The following ST8SIA1 variants were observed in gnomAD, a reference collection of about 807,000 sequenced individuals.
ST8SIA1 encodes alpha-N-acetylneuraminide alpha-2,8-sialyltransferase.
A neutral mutation model predicts 35.9 loss-of-function variants in ST8SIA1; 16 were observed. The observed-to-expected ratio is 0.45, with a 90% confidence interval of 0.30 to 0.68. The LOEUF is 0.68. ST8SIA1 is among the 30% of genes least tolerant of loss of function. The probability of loss-of-function intolerance (pLI) is 0.09; values close to 1 mark genes in which losing one functional copy is unlikely to be tolerated. For missense variants in ST8SIA1, 383 were observed against 453.6 expected (o/e 0.84, Z 1.41); for synonymous variants, 170 against 169.6 (o/e 1.00, Z -0.02).
At chr12:22,254,090 G>T (rs918654957) in intron 3 of ST8SIA1, among the ~76,000 whole-genome samples, 1 of 152,030 alleles carries the variant, frequency 6.6e-6, no homozygotes, top group Non-Finnish European at 1.5e-5. Flanking sequence ...TGTTGCTGCA[G>T]TCTTCACCCT....
At position 22,334,319 on chromosome 12, in the gene ST8SIA1, C is replaced by T. The variant is rs1038209320; in HGVS notation, c.-87G>A. 1.5e-5 allele frequency: 15 copies of T among 1,002,572 alleles called. No individual in the cohort carries two copies. Among genetic ancestry groups the T allele is most frequent in the Non-Finnish European group, 2.2e-5 (15 of 676,046 alleles). 62.1% of individuals were successfully genotyped at this position (1,002,572 alleles called of 1,614,324 possible). The stretch of plus-strand genomic sequence containing the variant: ...AGCGGAGGGTCCCCCACCGCCAGCC[C>T]CCCATGCACACACACCTTTGGTTCT... On this transcript the variant is annotated 5_prime_UTR_variant, in exon 1 of 5. Transcript: ENST00000396037.
rs111421355 is a variant in ST8SIA1, at chr12:22,249,311, C to T, written c.492-213G>A. On this transcript the variant is annotated intron_variant, in intron 3 of 4. Transcript: ENST00000396037. ...TCCGCTCACTGCAAGCTCCACCTGC[C>T]GGGTTCACGCCATTCTCCTGCCTCA... Among the ~76,000 whole-genome samples, 352 of 151,342 alleles carry T rather than the reference C, an allele frequency of 2.3e-3. 1 individual carries two copies. The highest frequency in any genetic ancestry group is 7.5e-3 in the African/African-American group (310 of 41,238).
rs1199318194 is a variant in ST8SIA1 at position 22,197,204 on chromosome 12, G to A, written c.*4348C>T. On this transcript the variant is annotated 3_prime_UTR_variant, in exon 5 of 5. Coordinates refer to ENST00000396037, the MANE Select transcript of ST8SIA1 (RefSeq NM_003034.4). ...ACCTGAGAGTCGACCTATACGACGG[G>A]AAGATAAAGAAAAAGCACAACATTA... 6.6e-6 allele frequency: 1 copy of A among 152,158 alleles called. No homozygotes were observed. Among genetic ancestry groups the A allele is most frequent in the Non-Finnish European group, 1.5e-5 (1 of 68,042 alleles). The allele number at this position is 152,158 out of a possible 1,614,324, so 9.4% of individuals were successfully genotyped here.
chr12:22,281,597 G>A (rs181182702), intron 2 of ST8SIA1, among the ~76,000 whole-genome samples: 127 of 152,246 alleles, frequency 8.3e-4, no homozygotes, highest in Middle Eastern at 3.4e-3. Context: ...AAGCCAAAAA[G>A]AGACTAGAGT....
chr12:22,290,549 T>C (rs1023561608), intron 1 of ST8SIA1, among the ~76,000 whole-genome samples: 4 of 140,174 alleles, frequency 2.9e-5, no homozygotes, highest in Admixed American at 2.0e-4. Context: ...AACAAGCAAG[T>C]GACTTCCTGT....
At chr12:22,284,627 C>CA (rs1565586382) in intron 2 of ST8SIA1, among the ~76,000 whole-genome samples, 1 of 152,168 alleles carries the variant, frequency 6.6e-6, no homozygotes, top group African/African-American at 2.4e-5. Context: ...AAAATCTACT[C>CA]ATTGAATTGG....
intron 1 of ST8SIA1, among the ~76,000 whole-genome samples, chr12:22,292,312 T>G (rs1169209700): frequency 1.3e-5 from 2 of 152,184 alleles, no homozygotes; most frequent in African/African-American, 4.8e-5. Flanking sequence ...TTCTTCTCTC[T>G]AGCACTTAAA....
intron 2 of ST8SIA1, among the ~76,000 whole-genome samples, chr12:22,256,395 G>T (rs1865728849): frequency 6.6e-6 from 1 of 152,160 alleles, no homozygotes; most frequent in Admixed American, 6.5e-5. Flanking sequence ...CTTCTAGCTG[G>T]GTCAGCAAGA....
chr12:22,271,414 T>C (rs1865910311), intron 2 of ST8SIA1, among the ~76,000 whole-genome samples: 2 of 152,180 alleles, frequency 1.3e-5, no homozygotes. Flanking sequence ...CACTCCTCAG[T>C]CATCTTCTAA....
At position 22,193,901 on chromosome 12, in the gene ST8SIA1, C is replaced by A. The variant is rs1864953041; in HGVS notation, c.*7651G>T. ...AATTTTTCTATTTTCTTAACTCCAG[C>A]CTCAAACTTTGCTCTTGAGAAATAG... On this transcript the variant is annotated 3_prime_UTR_variant, in exon 5 of 5. Transcript: ENST00000396037. The A allele has an allele frequency of 6.6e-6, 1 of 152,114 alleles. No individual in the cohort carries two copies. Among genetic ancestry groups the A allele is most frequent in the African/African-American group, 2.4e-5 (1 of 41,432 alleles). 9.4% of individuals were successfully genotyped at this position (152,114 alleles called of 1,614,324 possible).
chr12:22,302,429 A>G (rs1330657522), intron 1 of ST8SIA1, among the ~76,000 whole-genome samples: 1 of 152,196 alleles, frequency 6.6e-6, no homozygotes, highest in African/African-American at 2.4e-5. Flanking sequence ...TGTGGCCTAT[A>G]CCAATTTTCC....
At chr12:22,213,916 G>C (rs555944430) in intron 4 of ST8SIA1, among the ~76,000 whole-genome samples, 2 of 152,334 alleles carry the variant, frequency 1.3e-5, no homozygotes, top group Admixed American at 6.5e-5. Context: ...TGTCTACACT[G>C]TGCCAGTTGT....
chr12:22,214,859 G>A (rs1030597546), intron 4 of ST8SIA1, among the ~76,000 whole-genome samples: 1 of 152,154 alleles, frequency 6.6e-6, no homozygotes, highest in Non-Finnish European at 1.5e-5. Context: ...TCCCTTTTCT[G>A]CTGTTGAGAA....
chr12:22,263,473 G>A (rs1012038688), intron 2 of ST8SIA1, among the ~76,000 whole-genome samples: 3 of 152,102 alleles, frequency 2.0e-5, no homozygotes, highest in South Asian at 2.1e-4. Context: ...TTATGAAAGC[G>A]TATTGTTTTA....
chr12:22,326,495 T>C (rs1453363050), intron 1 of ST8SIA1, among the ~76,000 whole-genome samples: 5 of 152,198 alleles, frequency 3.3e-5, no homozygotes, highest in African/African-American at 1.2e-4. Context: ...ACTAATCCTC[T>C]CAAGGTAACT....
At chr12:22,228,137 G>T (rs76479524) in intron 4 of ST8SIA1, among the ~76,000 whole-genome samples, 26,096 of 152,216 alleles carry the variant, frequency 0.17, 2,385 homozygotes, top group Middle Eastern at 0.29. Flanking sequence ...AGTGGATGAG[G>T]AAAGAGAAGA....
At chr12:22,223,360 G>T in intron 4 of ST8SIA1, 1 of 185,972 alleles carries the variant, frequency 5.4e-6, no homozygotes, top group Non-Finnish European at 1.0e-5. Context: ...AATGTTTAGA[G>T]TGTGGTGCAT....
intron 3 of ST8SIA1, among the ~76,000 whole-genome samples, chr12:22,252,724 A>T (rs1159387487): frequency 6.6e-6 from 1 of 152,190 alleles, no homozygotes; most frequent in Admixed American, 6.5e-5. Flanking sequence ...AGGCTAAAAA[A>T]GTCTTGTTTA....
chr12:22,303,478 A>G (rs1194984892), intron 1 of ST8SIA1, among the ~76,000 whole-genome samples: 1 of 152,148 alleles, frequency 6.6e-6, no homozygotes, highest in Non-Finnish European at 1.5e-5. Flanking sequence ...GATGGTAGAG[A>G]GCAGTCTTCA....
Sources: allele counts gnomAD v4.1 joint callset (sites outside exome capture counted in the v4.1 genomes callset), GRCh38; gene constraint gnomAD v4.1.1; transcripts MANE v1.5; gene names NCBI Gene and HGNC (gene_info 2026-07-23, HGNC 2026-07-21).